TYW3: variants seen among roughly 807,000 people sequenced by gnomAD.
TYW3 encodes tRNA wybutosine-synthesizing protein 3 homolog.
In TYW3, 26 loss-of-function variants were observed where a neutral mutation model predicts 23.1. That is an observed-to-expected ratio of 1.13 (90% CI 0.83 to 1.56). The LOEUF is 1.56. Ranked by LOEUF, TYW3 falls within the 40% of genes most tolerant of loss-of-function variation. The pLI is 0.00. For missense variants in TYW3, 316 were observed against 311.9 expected (o/e 1.01, Z -0.10); for synonymous variants, 102 against 105.7 (o/e 0.97, Z 0.21).
At chr1:74,741,069 G>A (rs989011977) in intron 3 of TYW3, among the ~76,000 whole-genome samples, 2 of 152,176 alleles carry the variant, frequency 1.3e-5, no homozygotes, top group African/African-American at 4.8e-5. Context: ...GGGCCAGTGG[G>A]TCCGTCCAGG....
Position 74,733,186 on chromosome 1 carries a change from C to T in TYW3, c.-59C>T. ...CACCGCTCGCTTCAATATGGCTGCC[C>T]CCAGGGAGAGACGAGGCTACCATGA... On this transcript the variant is annotated 5_prime_UTR_variant, in exon 1 of 6. Coordinates refer to ENST00000370867, the MANE Select transcript of TYW3 (RefSeq NM_138467.3). 6.3e-7 allele frequency: 1 copy of T among 1,585,812 alleles called. No homozygotes were observed. Among genetic ancestry groups the T allele is most frequent in the Non-Finnish European group, 8.6e-7 (1 of 1,165,846 alleles).
At chr1:74,747,878 CACACAT>C (rs1293457701) in intron 3 of TYW3, among the ~76,000 whole-genome samples, 4 of 120,330 alleles carry the variant, frequency 3.3e-5, no homozygotes, top group Admixed American at 8.5e-5. Flanking sequence ...TACACATACA[CACACAT>C]ATACACATAT....
At chr1:74,739,668 T>A (rs998735267) in intron 3 of TYW3, among the ~76,000 whole-genome samples, 3 of 152,242 alleles carry the variant, frequency 2.0e-5, no homozygotes, top group Non-Finnish European at 4.4e-5. Context: ...TGAATTTCTT[T>A]CTGAGTTCAG....
chr1:74,740,329 C>T (rs1363128958), intron 3 of TYW3, among the ~76,000 whole-genome samples: 7 of 152,116 alleles, frequency 4.6e-5, no homozygotes, highest in Non-Finnish European at 7.4e-5. Flanking sequence ...GAAATGAAGC[C>T]GCAGACTTCC....
intron 5 of TYW3, among the ~76,000 whole-genome samples, chr1:74,763,344 A>T (rs1005261058): frequency 6.6e-6 from 1 of 152,140 alleles, no homozygotes; most frequent in African/African-American, 2.4e-5. Context: ...ATGTAAATAA[A>T]GGCCAATCTA....
chr1:74,735,089 A>G (rs895658086), intron 1 of TYW3, among the ~76,000 whole-genome samples: 1 of 152,140 alleles, frequency 6.6e-6, no homozygotes, highest in Non-Finnish European at 1.5e-5. Context: ...GATTTTTGCA[A>G]TGGTTCTCTA....
chr1:74,759,517 G>A (rs894284911), intron 5 of TYW3, among the ~76,000 whole-genome samples: 6 of 151,738 alleles, frequency 4.0e-5, no homozygotes, highest in African/African-American at 1.5e-4. Context: ...ACATGGTCAA[G>A]TCTTACCATT....
At chr1:74,761,908 A>G (rs1446449634) in intron 5 of TYW3, 3 of 152,156 alleles carry the variant, frequency 2.0e-5, no homozygotes, top group Non-Finnish European at 4.4e-5. Flanking sequence ...CTTGGGAGGA[A>G]TGATGGAAGA....
intron 3 of TYW3, among the ~76,000 whole-genome samples, chr1:74,742,474 T>G (rs1648397410): frequency 6.6e-6 from 1 of 152,156 alleles, no homozygotes; most frequent in Non-Finnish European, 1.5e-5. Flanking sequence ...CTGTTTCGGT[T>G]GGGGAATACT....
intron 1 of TYW3, among the ~76,000 whole-genome samples, chr1:74,733,821 C>T (rs1648017030): frequency 6.6e-6 from 1 of 152,176 alleles, no homozygotes; most frequent in Admixed American, 6.5e-5. Flanking sequence ...CCGGAATCCG[C>T]TCATCAACAG....
chr1:74,751,729 A>AG (rs1557748108), intron 4 of TYW3, among the ~76,000 whole-genome samples: 2 of 151,942 alleles, frequency 1.3e-5, no homozygotes, highest in African/African-American at 4.8e-5. Flanking sequence ...ATTTTTATAG[A>AG]CCTTGTATGG....
Position 74,733,373 on chromosome 1 carries a change from T to A in TYW3, c.129T>A (p.Phe43Leu). ...LVQFLNMRDQ[F>L]FTTSSCAGRI... ...AGTTTCTGAACATGCGAGATCAGTT[T>A]TTCACCACCAGCTCCTGCGCTGGCC... Residue 43 changes from phenylalanine (F) to leucine (L), a missense_variant, in exon 1 of 6, where the codon TTT (phenylalanine) becomes TTA (leucine). Transcript: ENST00000370867. 1 of 1,614,152 alleles carries A rather than the reference T, an allele frequency of 6.2e-7. No homozygotes were observed. The highest frequency in any genetic ancestry group is 8.5e-7 in the Non-Finnish European group (1 of 1,180,014).
intron 5 of TYW3, among the ~76,000 whole-genome samples, chr1:74,758,925 T>G (rs1047170303): frequency 2.6e-5 from 4 of 152,228 alleles, no homozygotes; most frequent in Non-Finnish European, 5.9e-5. Flanking sequence ...AAATGTTTAT[T>G]GAATTAATGA....
chr1:74,739,344 A>G (rs1570052540), intron 3 of TYW3, among the ~76,000 whole-genome samples: 2 of 152,242 alleles, frequency 1.3e-5, no homozygotes, highest in South Asian at 4.1e-4. Flanking sequence ...AGACAGCAAA[A>G]ACAAACAAGT....
At chr1:74,737,334 T>C (rs971455696) in intron 2 of TYW3, among the ~76,000 whole-genome samples, 1 of 152,196 alleles carries the variant, frequency 6.6e-6, no homozygotes, top group Admixed American at 6.5e-5. Flanking sequence ...GCAGAAATGG[T>C]AGCTGTCAGC....
At chr1:74,755,782 G>A (rs1648931550) in intron 5 of TYW3, among the ~76,000 whole-genome samples, 1 of 152,194 alleles carries the variant, frequency 6.6e-6, no homozygotes, top group African/African-American at 2.4e-5. Flanking sequence ...AGCTCTGTGG[G>A]AGGGGGAAAT....
intron 2 of TYW3, among the ~76,000 whole-genome samples, chr1:74,737,580 G>T (rs1206807911): frequency 6.6e-6 from 1 of 152,208 alleles, no homozygotes; most frequent in East Asian, 1.9e-4. Flanking sequence ...AAATCAAATG[G>T]TGTGAAGGCA....
intron 3 of TYW3, among the ~76,000 whole-genome samples, chr1:74,744,121 T>G (rs1419500065): frequency 6.6e-6 from 1 of 152,084 alleles, no homozygotes; most frequent in Non-Finnish European, 1.5e-5. Context: ...AGAGGAGGCT[T>G]ATCATTAATA....
chr1:74,747,797 A>G (rs1050121049), intron 3 of TYW3, among the ~76,000 whole-genome samples: 2 of 145,368 alleles, frequency 1.4e-5, no homozygotes, highest in African/African-American at 4.9e-5. Context: ...ACATGTGTAC[A>G]TATATATGTG....
Sources: allele counts gnomAD v4.1 joint callset (sites outside exome capture counted in the v4.1 genomes callset), GRCh38; gene constraint gnomAD v4.1.1; transcripts MANE v1.5; gene names NCBI Gene and HGNC (gene_info 2026-07-23, HGNC 2026-07-21).